GPRC6A: variants seen among roughly 807,000 people sequenced by gnomAD.
The protein encoded by GPRC6A is G protein-coupled receptor family C group 6 member A.
Under a neutral mutation model 47.0 loss-of-function variants are expected in GPRC6A, and 54 were observed. The ratio of observed to expected loss-of-function variants is 1.15; its 90% CI spans 0.92 to 1.44. The LOEUF (loss-of-function observed/expected upper bound fraction) is 1.44, where lower values mean the gene tolerates loss of function less well. Among genes scored for constraint, GPRC6A ranks in the 40% most tolerant of loss-of-function variants. The pLI is 0.00. For synonymous variants in GPRC6A, 347 were observed against 377.1 expected (o/e 0.92, Z 0.93); for missense variants, 1,112 against 1,105.5 (o/e 1.01, Z -0.08).
Position 116,823,727 on chromosome 6 carries a change from C to A in GPRC6A, c.194+5093G>T, listed in dbSNP as rs550083450. On this transcript the variant is annotated intron_variant, in intron 1 of 5. Coordinates refer to ENST00000310357, the MANE Select transcript of GPRC6A (RefSeq NM_148963.4). ...ATAAAGAAAAGAGGTTTAATTGGCT[C>A]ATGGATCTCTTGGCTGTACAGGAAG... Among the ~76,000 whole-genome samples the A allele has an allele frequency of 5.5e-4, 84 of 152,200 alleles. No individual in the cohort carries two copies. In the South Asian group the frequency reaches 6.6e-3, roughly 12 times the overall value.
At position 116,809,372 on chromosome 6, in the gene GPRC6A, C is replaced by A. The variant is rs759683225; in HGVS notation, c.440G>T (p.Gly147Val). 3.9e-5 allele frequency: 63 copies of A among 1,613,398 alleles called. 2 individuals carry two copies. The South Asian group carries it at 6.8e-4, about 17-fold the overall frequency. ...MPRVKAVIGS[G>V]YSEITMAVSR... is the part of the protein sequence containing the mutation. The stretch of plus-strand genomic sequence containing the variant: ...GACAGCCATAGTTATTTCTGAGTAC[C>A]CAGAACCTATGACAGCCTTAACTCT... Residue 147 changes from glycine to valine, a missense_variant, in exon 2 of 6, where the codon GGG (glycine) becomes GTG (valine). Transcript: ENST00000310357.
Position 116,795,797 on chromosome 6 carries a change from C to T in GPRC6A, c.1587G>A (p.Gly529=), listed in dbSNP as rs1282059818. Residue 529 remains glycine, a synonymous_variant, in exon 5 of 6, where the codon GGG becomes GGA. Coordinates refer to ENST00000310357, the MANE Select transcript of GPRC6A (RefSeq NM_148963.4). ...QSKCSKECSP[G]QMKKTTRSQH... ...GACTTCTTGTAGTTTTCTTCATTTG[C>T]CCAGGACTGCATTCCTTGGAGCATT... 1 of 1,607,252 alleles carries T rather than the reference C, an allele frequency of 6.2e-7. No individual in the cohort carries two copies. The highest frequency in any genetic ancestry group is 8.5e-7 in the Non-Finnish European group (1 of 1,174,662).
At chr6:116,801,088 G>A (rs1157856488) in intron 3 of GPRC6A, among the ~76,000 whole-genome samples, 2 of 152,054 alleles carry the variant, frequency 1.3e-5, no homozygotes, top group East Asian at 3.9e-4. Flanking sequence ...ATTTTAGAAT[G>A]GGTCCCCTGG....
chr6:116,827,161 A>T (rs570847798), intron 1 of GPRC6A, among the ~76,000 whole-genome samples: 1 of 152,008 alleles, frequency 6.6e-6, no homozygotes, highest in Admixed American at 6.6e-5. Context: ...TCTAGTTAGC[A>T]ACAATGTATT....
intron 1 of GPRC6A, among the ~76,000 whole-genome samples, chr6:116,814,559 C>T (rs140736818): frequency 2.5e-3 from 373 of 152,182 alleles, no homozygotes; most frequent in African/African-American, 8.5e-3. Context: ...GCAATGAGAT[C>T]ACTTGGACAC....
At chr6:116,828,452 G>A (rs117735789) in intron 1 of GPRC6A, among the ~76,000 whole-genome samples, 2,431 of 152,108 alleles carry the variant, frequency 0.016, 26 homozygotes, top group Non-Finnish European at 0.026. Flanking sequence ...TTAAATAATA[G>A]ATCTGTGTTT....
intron 4 of GPRC6A, among the ~76,000 whole-genome samples, chr6:116,799,033 C>T (rs1772577821): frequency 6.6e-6 from 1 of 152,044 alleles, no homozygotes; most frequent in Non-Finnish European, 1.5e-5. Context: ...AAGTAAAACT[C>T]ATTGGTTATG....
Position 116,809,503 on chromosome 6 carries a change from A to G in GPRC6A, c.309T>C (p.Cys103=), listed in dbSNP as rs201824724. 1 of 1,613,592 alleles carries G rather than the reference A, an allele frequency of 6.2e-7. No individual in the cohort carries two copies. The highest frequency in any genetic ancestry group is 8.5e-7 in the Non-Finnish European group (1 of 1,179,696). The change falls in exon 2 of 6, where the codon TGT becomes TGC. Residue 103 remains cysteine (C), a synonymous_variant. Coordinates refer to ENST00000310357, the MANE Select transcript of GPRC6A (RefSeq NM_148963.4). ...CTGCCATTGCCACTGTGACTTCTGT[A>G]CAAGTGTCATAGATTTCATACCCCA... The part of the protein sequence containing the change: ...VKLGYEIYDT[C]TEVTVAMAAT...
chr6:116,817,429 G>T (rs1446845337), intron 1 of GPRC6A, among the ~76,000 whole-genome samples: 14 of 151,232 alleles, frequency 9.3e-5, no homozygotes, highest in African/African-American at 2.7e-4. Flanking sequence ...AAACCACAAA[G>T]ATGGGGAAAA....
intron 1 of GPRC6A, among the ~76,000 whole-genome samples, chr6:116,810,818 C>T (rs1042786306): frequency 1.3e-5 from 2 of 152,032 alleles, no homozygotes; most frequent in Non-Finnish European, 1.5e-5. Context: ...GTAAGCCCAG[C>T]TCATCATTGG....
At chr6:116,800,843 A>G in intron 3 of GPRC6A, 47 bp from the exon 4 acceptor site, 2 of 1,142,494 alleles carry the variant, frequency 1.8e-6, no homozygotes, top group Non-Finnish European at 2.6e-6. Context: ...AAATGTTGCA[A>G]ATGTATCCAT....
In GPRC6A at chr6:116,818,970, G is replaced by A. The variant is rs1046846211; in HGVS notation, c.195-9353C>T. 5.3e-5 allele frequency among the ~76,000 whole-genome samples: 8 copies of A among 151,982 alleles called. No individual in the cohort carries two copies. In the East Asian group the frequency reaches 5.8e-4, roughly 11 times the overall value. On this transcript the variant is annotated intron_variant, in intron 1 of 5. Transcript: ENST00000310357. ...GCTGTATTCAGGAAACCCATCTCAC[G>A]TGCAGAGACACACATAGGCTCAAAA...
chr6:116,805,335 G>A (rs1772801385), intron 3 of GPRC6A, among the ~76,000 whole-genome samples: 1 of 151,602 alleles, frequency 6.6e-6, no homozygotes, highest in African/African-American at 2.4e-5. Context: ...ATCAGACCTC[G>A]AATATGGTAG....
intron 1 of GPRC6A, among the ~76,000 whole-genome samples, chr6:116,827,915 A>G (rs1160025163): frequency 6.6e-6 from 1 of 152,094 alleles, no homozygotes; most frequent in Non-Finnish European, 1.5e-5. Context: ...TGATAAAGAA[A>G]GAAAGGTAAG....
In GPRC6A at chr6:116,792,307, G is replaced by A. The variant is rs777042127; in HGVS notation, c.2616C>T (p.Asp872=). ...SSIALSPASL[D]SMSGNVTMTN... The stretch of plus-strand genomic sequence containing the variant: ...TCATTGTGACATTGCCGCTCATGGA[G>A]TCCAGTGAAGCAGGACTCAGGGCAA... The change falls in exon 6 of 6, where the codon GAC becomes GAT. Residue 872 remains aspartate (D), a synonymous_variant. Transcript: ENST00000310357. The A allele has an allele frequency of 2.5e-6, 4 of 1,614,038 alleles. No homozygotes were observed. Among genetic ancestry groups the A allele is most frequent in the East Asian group, 2.2e-5 (1 of 44,876 alleles).
At chr6:116,808,826 A>G (rs1414781767) in intron 2 of GPRC6A, among the ~76,000 whole-genome samples, 1 of 151,366 alleles carries the variant, frequency 6.6e-6, no homozygotes, top group African/African-American at 2.5e-5. Context: ...GTGCTGTGAT[A>G]TCTGATTTTT....
At chr6:116,817,781 G>A (rs899137606) in intron 1 of GPRC6A, among the ~76,000 whole-genome samples, 1 of 152,170 alleles carries the variant, frequency 6.6e-6, no homozygotes, top group Non-Finnish European at 1.5e-5. Flanking sequence ...AAGGGTATCA[G>A]CAATGGAAGA....
At chr6:116,797,331 C>T (rs1772522288) in intron 4 of GPRC6A, among the ~76,000 whole-genome samples, 1 of 152,124 alleles carries the variant, frequency 6.6e-6, no homozygotes, top group Non-Finnish European at 1.5e-5. Context: ...GGTCCCCTCT[C>T]TCCCTCTGAT....
intron 1 of GPRC6A, among the ~76,000 whole-genome samples, chr6:116,812,125 A>G (rs926009589): frequency 9.8e-5 from 15 of 152,302 alleles, no homozygotes; most frequent in Admixed American, 2.0e-4. Flanking sequence ...AACAGTGAGA[A>G]AAGAATTTAG....
Sources: allele counts gnomAD v4.1 joint callset (sites outside exome capture counted in the v4.1 genomes callset), GRCh38; gene constraint gnomAD v4.1.1; transcripts MANE v1.5; gene names NCBI Gene and HGNC (gene_info 2026-07-23, HGNC 2026-07-21).